The following LRRC74A variants were observed in gnomAD, a reference collection of about 807,000 sequenced individuals.
LRRC74A encodes the protein leucine rich repeat containing 74A.
In LRRC74A, 44 loss-of-function variants were observed where a neutral mutation model predicts 57.9. That is an observed-to-expected ratio of 0.76 (90% CI 0.60 to 0.98). LRRC74A has a LOEUF of 0.98. LRRC74A is among the 50% of genes least tolerant of loss of function. LRRC74A has a pLI of 0.00. For synonymous variants in LRRC74A, 211 were observed against 219.4 expected, an observed-to-expected ratio of 0.96 and a Z score of 0.34; for missense variants, 572 against 574.0, an observed-to-expected ratio of 1.00 and a Z score of 0.04.
chr14:76,865,029 G>C (rs192954941), intron 11 of LRRC74A, among the ~76,000 whole-genome samples: 1 of 152,310 alleles, frequency 6.6e-6, no homozygotes, highest in African/African-American at 2.4e-5. Flanking sequence ...TAGTTAAAAA[G>C]ATAAAAGGGT....
intron 12 of LRRC74A, among the ~76,000 whole-genome samples, chr14:76,866,929 G>C (rs1472032056): frequency 8.8e-6 from 1 of 113,530 alleles, no homozygotes; most frequent in Non-Finnish European, 1.8e-5. Context: ...TGTGTGTTGG[G>C]GGGGGTGGTA....
Position 76,831,240 on chromosome 14 carries a change from G to A in LRRC74A, c.204G>A (p.Leu68=). 6.2e-7 allele frequency: 1 copy of A among 1,614,078 alleles called. No homozygotes were observed. Among genetic ancestry groups the A allele is most frequent in the Non-Finnish European group, 8.5e-7 (1 of 1,179,900 alleles). ...TTTTCACCACTGGACAAAAGGAGCTGTACCTGGAGGCCTGCAAGCTGATGG... is the reference window on the plus strand; with the variant it reads ...TTTTCACCACTGGACAAAAGGAGCTATACCTGGAGGCCTGCAAGCTGATGG... ...EKFFTTGQKE[L]YLEACKLMGV... Residue 68 remains leucine (L), a synonymous_variant, in exon 3 of 14, where the codon CTG becomes CTA. Transcript: ENST00000689127.
chr14:76,835,776 G>A lies in LRRC74A; in HGVS notation c.340-431G>A, dbSNP rs200906892. On this transcript the variant is annotated intron_variant, in intron 3 of 13. Transcript: ENST00000689127. ...AGAGTGTCCCAGATAAAACTTAAGC[G>A]TAAATTAGAAGAAAGGCCTCTGAAG... Among the ~76,000 whole-genome samples, 8 of 152,174 alleles carry A rather than the reference G, an allele frequency of 5.3e-5. No homozygotes were observed. The East Asian group carries it at 1.5e-3, about 29-fold the overall frequency.
intron 13 of LRRC74A, among the ~76,000 whole-genome samples, chr14:76,868,551 C>T (rs974987503): frequency 6.6e-6 from 1 of 152,188 alleles, no homozygotes; most frequent in Non-Finnish European, 1.5e-5. Context: ...CCTGAGGGGT[C>T]CACACCTGTT....
intron 2 of LRRC74A, among the ~76,000 whole-genome samples, chr14:76,830,562 A>G (rs539233115): frequency 6.6e-6 from 1 of 152,388 alleles, no homozygotes; most frequent in African/African-American, 2.4e-5. Flanking sequence ...AGTCCTTTTT[A>G]TAAGGAAAAT....
intron 5 of LRRC74A, among the ~76,000 whole-genome samples, chr14:76,839,301 C>A (rs986461066): frequency 6.6e-6 from 1 of 152,176 alleles, no homozygotes; most frequent in African/African-American, 2.4e-5. Context: ...GGTTATAATT[C>A]TACCAATGGA....
chr14:76,854,638 A>C (rs986028858), intron 9 of LRRC74A, among the ~76,000 whole-genome samples: 1 of 152,176 alleles, frequency 6.6e-6, no homozygotes, highest in Non-Finnish European at 1.5e-5. Flanking sequence ...TTTGCCCATC[A>C]TTAAACTCCT....
At chr14:76,840,188 G>A (rs925847953) in intron 5 of LRRC74A, among the ~76,000 whole-genome samples, 9 of 152,040 alleles carry the variant, frequency 5.9e-5, no homozygotes, top group East Asian at 1.9e-4. Flanking sequence ...GGCATGTACC[G>A]ACAGTCCCAT....
At chr14:76,847,704 G>A (rs927559146) in intron 7 of LRRC74A, among the ~76,000 whole-genome samples, 6 of 151,280 alleles carry the variant, frequency 4.0e-5, no homozygotes, top group Non-Finnish European at 8.8e-5. Flanking sequence ...AAAAAAAAGT[G>A]CTGTTTTAGT....
Position 76,831,225 on chromosome 14 carries a change from T to C in LRRC74A, c.189T>C (p.Thr63=), listed in dbSNP as rs1446487629. The change falls in exon 3 of 14, where the codon ACT becomes ACC. Residue 63 remains threonine, a synonymous_variant. Transcript: ENST00000689127. ...EIEDDEKFFT[T]GQKELYLEAC... is the part of the protein sequence containing the mutation. ...CAGATGATGAGAAATTTTTCACCACTGGACAAAAGGAGCTGTACCTGGAGG... is the reference window on the plus strand; with the variant it reads ...CAGATGATGAGAAATTTTTCACCACCGGACAAAAGGAGCTGTACCTGGAGG... The C allele has an allele frequency of 1.9e-6, 3 of 1,613,878 alleles. No individual in the cohort carries two copies. The highest frequency in any genetic ancestry group is 4.5e-5 in the East Asian group (2 of 44,896).
intron 12 of LRRC74A, among the ~76,000 whole-genome samples, chr14:76,866,622 G>A (rs11159236): frequency 0.9 from 136,139 of 152,026 alleles, 62,326 homozygotes; most frequent in Non-Finnish European, 1. Context: ...TAAGGCAGTC[G>A]GTGCCCGGTG....
At chr14:76,854,893 G>A (rs1897775340) in intron 9 of LRRC74A, among the ~76,000 whole-genome samples, 1 of 152,138 alleles carries the variant, frequency 6.6e-6, no homozygotes, top group Non-Finnish European at 1.5e-5. Context: ...AGCCTCACCT[G>A]GTAATGTGGG....
At chr14:76,850,523 A>G (rs1897380119) in intron 7 of LRRC74A, among the ~76,000 whole-genome samples, 1 of 152,194 alleles carries the variant, frequency 6.6e-6, no homozygotes, top group Admixed American at 6.5e-5. Context: ...ACTCACACCC[A>G]GGGTTGACAC....
intron 3 of LRRC74A, among the ~76,000 whole-genome samples, chr14:76,831,925 A>G (rs1263482722): frequency 6.6e-6 from 1 of 152,230 alleles, no homozygotes; most frequent in Admixed American, 6.5e-5. Context: ...ATGACTTTAT[A>G]TAATTATAAC....
chr14:76,841,364 G>A (rs1434331826), intron 5 of LRRC74A, among the ~76,000 whole-genome samples: 1 of 152,212 alleles, frequency 6.6e-6, no homozygotes, highest in African/African-American at 2.4e-5. Flanking sequence ...TCGTGTGTGA[G>A]TGGGCAAAGA....
chr14:76,866,152 G>C, intron 12 of LRRC74A, 77 bp downstream of exon 12: 1 of 1,137,250 alleles, frequency 8.8e-7, no homozygotes, highest in Non-Finnish European at 1.3e-6. Context: ...GGGGAGAGGA[G>C]GAGAAGGAGC....
chr14:76,857,571 C>A, intron 10 of LRRC74A, 96 bp downstream of exon 10: 1 of 777,462 alleles, frequency 1.3e-6, no homozygotes, highest in South Asian at 1.5e-5. Flanking sequence ...AGCTCTATCC[C>A]TCACAGGCCC....
At chr14:76,846,912 C>T (rs1206190658) in intron 7 of LRRC74A, among the ~76,000 whole-genome samples, 2 of 152,136 alleles carry the variant, frequency 1.3e-5, no homozygotes, top group African/African-American at 2.4e-5. Flanking sequence ...TGAAGATACA[C>T]ATTTGGGGTC....
At chr14:76,830,506 G>C (rs1268250523) in intron 2 of LRRC74A, among the ~76,000 whole-genome samples, 2 of 152,230 alleles carry the variant, frequency 1.3e-5, no homozygotes, top group African/African-American at 4.8e-5. Flanking sequence ...TTGACCAACT[G>C]TGTGTTATTT....
Sources: gnomAD v4.1 joint callset for allele counts (sites outside exome capture counted in the v4.1 genomes callset) on GRCh38, gnomAD v4.1.1 for gene constraint, MANE v1.5 for transcripts, NCBI Gene and HGNC (gene_info 2026-07-23, HGNC 2026-07-21) for gene names.